Variants in NFATC3 observed in about 807,000 individuals in gnomAD.
NFATC3 encodes nuclear factor of activated T cells 3, also known as nuclear factor of activated T-cells, cytoplasmic 3.
In NFATC3, 46 loss-of-function variants were observed where a neutral mutation model predicts 98.6. That is an observed-to-expected ratio of 0.47 (90% confidence interval 0.37 to 0.60). NFATC3 has a LOEUF of 0.60. Among genes scored for constraint, NFATC3 ranks in the 20% least tolerant of loss-of-function variants. The pLI is 0.00. For synonymous variants in NFATC3, 512 were observed against 472.2 expected (o/e 1.08, Z -1.09); for missense variants, 1,256 against 1,295.5 (o/e 0.97, Z 0.47).
At chr16:68,086,429 A>C (rs2034378870) in intron 1 of NFATC3, among the ~76,000 whole-genome samples, 1 of 152,086 alleles carries the variant, frequency 6.6e-6, no homozygotes, top group Admixed American at 6.6e-5. Context: ...TTTCCTAGAA[A>C]GTTCTAGAAG....
At chr16:68,151,808 C>T (rs542250225) in intron 3 of NFATC3, among the ~76,000 whole-genome samples, 1 of 152,288 alleles carries the variant, frequency 6.6e-6, no homozygotes, top group African/African-American at 2.4e-5. Context: ...GTGGCTCACG[C>T]CTGTAATCCC....
intron 3 of NFATC3, among the ~76,000 whole-genome samples, chr16:68,135,562 A>T (rs2037357778): frequency 6.6e-6 from 1 of 151,590 alleles, no homozygotes; most frequent in Non-Finnish European, 1.5e-5. Context: ...ATTTAATCAG[A>T]TTATTTTACT....
chr16:68,125,720 G>A (rs1037656768), intron 2 of NFATC3, among the ~76,000 whole-genome samples: 3 of 151,980 alleles, frequency 2.0e-5, no homozygotes, highest in African/African-American at 7.3e-5. Context: ...ACAGAAATGT[G>A]CCTCTTTGTT....
chr16:68,197,699 T>C (rs1239753405), intron 9 of NFATC3, among the ~76,000 whole-genome samples: 7 of 152,232 alleles, frequency 4.6e-5, no homozygotes, highest in Non-Finnish European at 1.0e-4. Context: ...TTATGTTAAC[T>C]GTTAAGTCCA....
intron 3 of NFATC3, among the ~76,000 whole-genome samples, chr16:68,135,244 G>A (rs1375164825): frequency 6.6e-6 from 1 of 151,892 alleles, no homozygotes; most frequent in Non-Finnish European, 1.5e-5. Flanking sequence ...GGATCATAAG[G>A]TCAGGAGATT....
chr16:68,144,676 T>C (rs1457515317), intron 3 of NFATC3, among the ~76,000 whole-genome samples: 2 of 151,984 alleles, frequency 1.3e-5, no homozygotes, highest in African/African-American at 4.8e-5. Context: ...TTTTATTTTT[T>C]AGATGGAGTC....
At chr16:68,158,761 C>T (rs1457709600) in intron 4 of NFATC3, among the ~76,000 whole-genome samples, 1 of 144,898 alleles carries the variant, frequency 6.9e-6, no homozygotes, top group East Asian at 2.0e-4. Flanking sequence ...ATCCTTATTA[C>T]CAGAGGGGTA....
intron 9 of NFATC3, among the ~76,000 whole-genome samples, chr16:68,210,463 C>T (rs1245649262): frequency 3.3e-5 from 5 of 151,960 alleles, no homozygotes. Flanking sequence ...AGAGTGACAC[C>T]TTGTCTCAAA....
At chr16:68,201,532 A>C (rs1271199511) in intron 9 of NFATC3, among the ~76,000 whole-genome samples, 1 of 151,590 alleles carries the variant, frequency 6.6e-6, no homozygotes, top group Non-Finnish European at 1.5e-5. Flanking sequence ...TGGCCTCCCA[A>C]AGTGCTGGTA....
intron 9 of NFATC3, among the ~76,000 whole-genome samples, chr16:68,222,499 G>C (rs996087286): frequency 2.0e-5 from 3 of 152,108 alleles, no homozygotes; most frequent in African/African-American, 4.8e-5. Context: ...AGTGATAAAT[G>C]ATAAGAAAAG....
At chr16:68,188,494 A>G (rs1483983842) in intron 8 of NFATC3, among the ~76,000 whole-genome samples, 1 of 152,210 alleles carries the variant, frequency 6.6e-6, no homozygotes, top group Non-Finnish European at 1.5e-5. Context: ...TGGAGCACGC[A>G]GTCTTGGCTG....
In NFATC3 at chr16:68,123,000, A is replaced by G. The variant is rs2036632572; in HGVS notation, c.1117A>G (p.Ile373Val). 1.9e-6 allele frequency: 3 copies of G among 1,614,140 alleles called. No individual in the cohort carries two copies. The highest frequency in any genetic ancestry group is 8.5e-7 in the Non-Finnish European group (1 of 1,180,034). The change falls in exon 2 of 10, where the codon ATA becomes GTA. Residue 373 changes from isoleucine to valine, a missense_variant. Physicochemically the swap from Ile to Val is conservative, Grantham distance 29. Around this residue, in one of 3 missense-constraint regions of NFATC3, gnomAD observed 464 missense variants for 465.7 expected, o/e 1.00. Coordinates refer to ENST00000346183, the MANE Select transcript of NFATC3 (RefSeq NM_173165.3). The part of the protein sequence containing the change: ...GSLSPARETS[I>V]DDGLGSQYPL... Reference sequence around the variant, plus strand: ...TTTATCACCAGCCCGGGAGACTTCAATAGATGATGGCCTTGGATCTCAGTA... The same window carrying G: ...TTTATCACCAGCCCGGGAGACTTCAGTAGATGATGGCCTTGGATCTCAGTA...
intron 9 of NFATC3, among the ~76,000 whole-genome samples, chr16:68,216,770 C>T (rs1212392115): frequency 6.6e-6 from 1 of 151,986 alleles, no homozygotes; most frequent in African/African-American, 2.4e-5. Flanking sequence ...TGACCTCAAG[C>T]GATCCGCCAA....
intron 4 of NFATC3, among the ~76,000 whole-genome samples, chr16:68,166,579 C>T (rs989189248): frequency 2.6e-5 from 4 of 152,170 alleles, no homozygotes; most frequent in African/African-American, 9.7e-5. Flanking sequence ...GTCTTAATGG[C>T]AGGAGGAAAG....
At chr16:68,148,852 C>G (rs2038172252) in intron 3 of NFATC3, among the ~76,000 whole-genome samples, 1 of 151,920 alleles carries the variant, frequency 6.6e-6, no homozygotes, top group African/African-American at 2.4e-5. Flanking sequence ...ACTAAAAATA[C>G]AAAAAAATTA....
chr16:68,225,691 A>T (rs912897693), intron 9 of NFATC3: 2 of 152,200 alleles, frequency 1.3e-5, no homozygotes, highest in Admixed American at 6.5e-5. Context: ...TAGACTCTTT[A>T]GTTGATAAGG....
At chr16:68,137,804 G>T (rs1444645430) in intron 3 of NFATC3, among the ~76,000 whole-genome samples, 1 of 151,854 alleles carries the variant, frequency 6.6e-6, no homozygotes, top group African/African-American at 2.4e-5. Context: ...TTTTAGTAGA[G>T]ATGGGGTTTC....
In NFATC3 at chr16:68,209,850, GAC is replaced by G. The variant is rs755825565; in HGVS notation, c.3107-16483_3107-16482del. ...CCCCCTGCCCCCCAACACACACACA[GAC>G]ACACACACACACACACTCACAGTCA... is the stretch of plus-strand genomic sequence containing the variant. On this transcript the variant is annotated intron_variant, in intron 9 of 9. Transcript: ENST00000346183. The G allele has an allele frequency of 8.5e-3, 2,643 of 310,890 alleles. 3 individuals carry two copies. Among genetic ancestry groups the G allele is most frequent in the East Asian group, 0.026 (256 of 9,876 alleles). 19.3% of individuals were successfully genotyped at this position (310,890 alleles called of 1,614,324 possible). A position where few individuals can be genotyped will look rare whatever the true frequency, so the allele number is the denominator to read the frequency against.
intron 3 of NFATC3, among the ~76,000 whole-genome samples, chr16:68,153,757 G>A (rs1018407810): frequency 4.6e-5 from 7 of 152,026 alleles, no homozygotes; most frequent in African/African-American, 1.7e-4. Context: ...GGGACTACAG[G>A]CACCTGCCAC....
Sources: allele counts gnomAD v4.1 joint callset (sites outside exome capture counted in the v4.1 genomes callset), GRCh38; gene constraint gnomAD v4.1.1; regional missense constraint gnomAD v4.1.1; transcripts MANE v1.5; gene names NCBI Gene and HGNC (gene_info 2026-07-23, HGNC 2026-07-21).